AXDND1: variants seen among roughly 807,000 people sequenced by gnomAD.
The protein encoded by AXDND1 is axonemal dynein light chain domain-containing protein 1.
Under a neutral mutation model 137.5 loss-of-function variants are expected in AXDND1, and 110 were observed. The observed-to-expected ratio is 0.80, with a 90% CI of 0.69 to 0.94. The LOEUF (loss-of-function observed/expected upper bound fraction) is 0.94, where lower values mean the gene tolerates loss of function less well. AXDND1 is among the 40% of genes least tolerant of loss of function. AXDND1 has a pLI of 0.00. For missense variants in AXDND1, 1,191 were observed against 1,169.8 expected (o/e 1.02, Z -0.26); for synonymous variants, 414 against 399.7 (o/e 1.04, Z -0.43).
chr1:179,486,139 A>AAACT (rs1553291081), intron 18 of AXDND1, among the ~76,000 whole-genome samples: 4,065 of 87,842 alleles, frequency 0.046, 545 homozygotes, highest in African/African-American at 0.14. Context: ...AAAAAAAAAA[A>AAACT]AACCTGATAG....
chr1:179,418,639 C>A (rs1025706908), intron 12 of AXDND1, among the ~76,000 whole-genome samples: 2 of 149,872 alleles, frequency 1.3e-5, no homozygotes, highest in Non-Finnish European at 3.0e-5. Context: ...CACCTCCCTC[C>A]CGGACGGGGC....
intron 3 of AXDND1, among the ~76,000 whole-genome samples, chr1:179,369,386 T>A (rs1180812031): frequency 6.6e-6 from 1 of 152,140 alleles, no homozygotes; most frequent in Non-Finnish European, 1.5e-5. Flanking sequence ...CCTTAAAAAA[T>A]TTTTTTAGGC....
intron 6 of AXDND1, among the ~76,000 whole-genome samples, chr1:179,381,033 CTT>C (rs750948760): frequency 3.1e-5 from 3 of 96,486 alleles, no homozygotes; most frequent in African/African-American, 3.7e-5. Flanking sequence ...CTTTTGGTGA[CTT>C]TTTTTTTTTT....
At chr1:179,453,360 C>T (rs990770445) in intron 16 of AXDND1, 2 of 152,374 alleles carry the variant, frequency 1.3e-5, no homozygotes, top group African/African-American at 4.8e-5. Flanking sequence ...CACAGACACT[C>T]ATTGCCAGAC....
At chr1:179,373,986 TTAAAC>T (rs1362850088) in intron 4 of AXDND1, among the ~76,000 whole-genome samples, 2 of 152,090 alleles carry the variant, frequency 1.3e-5, no homozygotes, top group African/African-American at 4.8e-5. Flanking sequence ...TGGTATCTAA[TTAAAC>T]TAAAGAGCTT....
intron 17 of AXDND1, among the ~76,000 whole-genome samples, chr1:179,482,022 AC>A (rs1435773232): frequency 6.7e-6 from 1 of 149,186 alleles, no homozygotes; most frequent in Admixed American, 6.7e-5. Flanking sequence ...TCTTTAAAGC[AC>A]CCTTAGGTTT....
At chr1:179,427,315 A>G (rs1415598508) in intron 12 of AXDND1, among the ~76,000 whole-genome samples, 3 of 152,126 alleles carry the variant, frequency 2.0e-5, no homozygotes, top group Non-Finnish European at 2.9e-5. Context: ...AGCTGGTGGG[A>G]ATTTTGAAAT....
chr1:179,437,077 A>C (rs1463969194), intron 15 of AXDND1, among the ~76,000 whole-genome samples: 1 of 151,674 alleles, frequency 6.6e-6, no homozygotes, highest in Non-Finnish European at 1.5e-5. Context: ...CTGAAAAAAA[A>C]AAAAAAAAAA....
chr1:179,414,583 G>A (rs1571721091), intron 12 of AXDND1, among the ~76,000 whole-genome samples: 2 of 151,982 alleles, frequency 1.3e-5, no homozygotes, highest in South Asian at 4.2e-4. Flanking sequence ...CCGCCACCTC[G>A]CCTGGCTAAT....
intron 16 of AXDND1, chr1:179,455,297 A>AAGT (rs1558203987): frequency 0.023 from 1,948 of 85,696 alleles, 88 homozygotes; most frequent in African/African-American, 0.09. Context: ...AAAAAAAGTA[A>AAGT]AAAAAAAAAA....
intron 16 of AXDND1, among the ~76,000 whole-genome samples, chr1:179,445,617 C>A (rs1317457449): frequency 6.6e-6 from 1 of 152,118 alleles, no homozygotes. Context: ...TCTGTTTGAT[C>A]TTTTGACTGG....
chr1:179,541,775 A>G (rs556894883), intron 25 of AXDND1, among the ~76,000 whole-genome samples: 1 of 152,312 alleles, frequency 6.6e-6, no homozygotes, highest in South Asian at 2.1e-4. Context: ...ACACAAAATT[A>G]ATATACAAAG....
In AXDND1 at chr1:179,500,337, A is replaced by ATCTGTG. The variant is rs1051109914; in HGVS notation, c.2388+7387_2388+7388insCTGTGT. Among the ~76,000 whole-genome samples the ATCTGTG allele has an allele frequency of 1.5e-3, 207 of 133,884 alleles. 2 individuals are homozygous for ATCTGTG. The East Asian group carries it at 0.029, about 19-fold the overall frequency. 87.8% of individuals were successfully genotyped at this position (133,884 alleles called of 152,430 possible). A position where few individuals can be genotyped will look rare whatever the true frequency, so the allele number is the denominator to read the frequency against. ...ATAGCCATTAATTGCAGGGTACATT[A>ATCTGTG]TGTGTGTGTGTGTGTGTGTGTGTGT... On this transcript the variant is annotated intron_variant, in intron 20 of 25. Transcript: ENST00000367618.
At chr1:179,378,845 T>C in intron 5 of AXDND1, 88 bp downstream of exon 5, 2 of 1,106,350 alleles carry the variant, frequency 1.8e-6, no homozygotes, top group Non-Finnish European at 2.3e-6. Flanking sequence ...AAATATAAAA[T>C]ATAAAACAAC....
At chr1:179,421,668 C>T (rs1398237818) in intron 12 of AXDND1, among the ~76,000 whole-genome samples, 1 of 151,746 alleles carries the variant, frequency 6.6e-6, no homozygotes, top group African/African-American at 2.4e-5. Context: ...AGGTGTGAGC[C>T]ACCATGCCTG....
intron 21 of AXDND1, among the ~76,000 whole-genome samples, chr1:179,516,722 C>T (rs913626889): frequency 4.6e-5 from 7 of 152,152 alleles, no homozygotes; most frequent in Non-Finnish European, 7.4e-5. Flanking sequence ...ATTGTTATCT[C>T]TCTTCTTGGT....
At chr1:179,457,061 C>T in intron 16 of AXDND1, 1 of 1,425,946 alleles carries the variant, frequency 7.0e-7, no homozygotes. Context: ...AGAATCTTCT[C>T]TTGAGACAGC....
In AXDND1 at chr1:179,483,178, T is replaced by C. The variant is rs780548292; in HGVS notation, c.2048T>C (p.Ile683Thr). The change falls in exon 18 of 26, where the codon ATA becomes ACA. Residue 683 changes from isoleucine (I) to threonine (T), a missense_variant. By Grantham distance (89) the Ile-to-Thr change is moderately conservative. Coordinates refer to ENST00000367618, the MANE Select transcript of AXDND1 (RefSeq NM_144696.6). The stretch of plus-strand genomic sequence containing the variant: ...ATGATTCAACAATGGCTTTTGAAGA[T>C]AGGCAATGAAATTAACAACGGTAAC... ...FNMIQQWLLK[I>T]GNEINNGNIE... The C allele has an allele frequency of 6.2e-6, 10 of 1,611,024 alleles. No individual in the cohort carries two copies. The South Asian group carries it at 1.1e-4, about 18-fold the overall frequency.
At chr1:179,448,117 C>T in intron 16 of AXDND1, 1 of 848,446 alleles carries the variant, frequency 1.2e-6, no homozygotes, top group Non-Finnish European at 1.9e-6. Flanking sequence ...AATTATTTTT[C>T]TTCTGTATAT....
Sources: gnomAD v4.1 joint callset for allele counts (sites outside exome capture counted in the v4.1 genomes callset) on GRCh38, gnomAD v4.1.1 for gene constraint, MANE v1.5 for transcripts, NCBI Gene and HGNC (gene_info 2026-07-23, HGNC 2026-07-21) for gene names.